MAP2K5: variants seen among roughly 807,000 people sequenced by gnomAD.
The protein encoded by MAP2K5 is dual specificity mitogen-activated protein kinase kinase 5.
MAP2K5 carries 49 observed loss-of-function variants against 83.1 expected under a neutral mutation model. The observed-to-expected ratio is 0.59, with a 90% CI of 0.47 to 0.75. The LOEUF is 0.75. Ranked by LOEUF, MAP2K5 falls within the 30% of genes least tolerant of loss-of-function variation. MAP2K5 has a pLI of 0.00. For missense variants in MAP2K5, 457 were observed against 557.5 expected (o/e 0.82, Z 1.82); for synonymous variants, 202 against 191.8 (o/e 1.05, Z -0.44).
chr15:67,650,005 CTTCT>C, intron 11 of MAP2K5, among the ~76,000 whole-genome samples: 1 of 152,228 alleles, frequency 6.6e-6, no homozygotes, highest in South Asian at 2.1e-4. Flanking sequence ...TTACTTAGGT[CTTCT>C]TTAATTGTTT....
chr15:67,667,804 T>C (rs1234969854), intron 13 of MAP2K5, among the ~76,000 whole-genome samples: 1 of 152,148 alleles, frequency 6.6e-6, no homozygotes, highest in South Asian at 2.1e-4. Context: ...ATTTTAGCTA[T>C]AGAAAGTGTA....
At chr15:67,796,909 A>G (rs2090614670) in intron 21 of MAP2K5, among the ~76,000 whole-genome samples, 1 of 152,196 alleles carries the variant, frequency 6.6e-6, no homozygotes, top group Admixed American at 6.5e-5. Flanking sequence ...GGGTGTGGAA[A>G]TGCTTGCCTC....
Position 67,552,014 on chromosome 15 carries a change from C to G in MAP2K5, c.184+1932C>G, listed in dbSNP as rs1417140452. Among the ~76,000 whole-genome samples the G allele has an allele frequency of 6.6e-6, 1 of 151,268 alleles. No individual in the cohort carries two copies. The highest frequency in any genetic ancestry group is 1.5e-5 in the Non-Finnish European group (1 of 67,932). On this transcript the variant is annotated intron_variant, in intron 2 of 21. Coordinates refer to ENST00000178640, the MANE Select transcript of MAP2K5 (RefSeq NM_145160.3). This position sits in a 1 kb window ranked among gnomAD's most constrained non-coding sequence, Gnocchi z 4.2. Reference sequence around the variant, plus strand: ...AAAGATAGGATCTGAAGAGTGCCTACTACAGTACTTTCCAGTGACTTACCC... The same window carrying G: ...AAAGATAGGATCTGAAGAGTGCCTAGTACAGTACTTTCCAGTGACTTACCC...
chr15:67,764,640 G>A lies in MAP2K5; in HGVS notation c.1135-4962G>A, dbSNP rs2090008640. On this transcript the variant is annotated intron_variant, in intron 19 of 21. Coordinates refer to ENST00000178640, the MANE Select transcript of MAP2K5 (RefSeq NM_145160.3). The surrounding 1 kb of genome is among the most constrained non-coding windows in gnomAD (Gnocchi z 4.9). ...CAGGCTCATTGCGTTCCACATGGTA[G>A]ATGCCCACAAAAGCTGTTGAATGAA... Among the ~76,000 whole-genome samples, 1 of 152,188 alleles carries A rather than the reference G, an allele frequency of 6.6e-6. No individual in the cohort carries two copies. Among genetic ancestry groups the A allele is most frequent in the South Asian group, 2.1e-4 (1 of 4,834 alleles).
intron 1 of MAP2K5, chr15:67,549,064 G>GCGAGCGGCTGA (rs1314519568): frequency 6.6e-7 from 1 of 1,523,786 alleles, no homozygotes; most frequent in Non-Finnish European, 8.8e-7. Flanking sequence ...GAGAAATACT[G>GCGAGCGGCTGA]CGAGCGGCTT....
intron 17 of MAP2K5, among the ~76,000 whole-genome samples, chr15:67,732,785 G>A (rs566237422): frequency 1.3e-5 from 2 of 152,172 alleles, no homozygotes; most frequent in South Asian, 4.2e-4. Context: ...TTTTGCTGTA[G>A]TGATCGTACT....
chr15:67,799,385 G>GC (rs2090662724), intron 21 of MAP2K5, among the ~76,000 whole-genome samples: 1 of 152,232 alleles, frequency 6.6e-6, no homozygotes, highest in South Asian at 2.1e-4. Flanking sequence ...ACCCTCACCT[G>GC]CCCAGAGTAT....
intron 21 of MAP2K5, among the ~76,000 whole-genome samples, chr15:67,788,687 A>C (rs1462074434): frequency 6.6e-6 from 1 of 152,200 alleles, no homozygotes; most frequent in Admixed American, 6.5e-5. Flanking sequence ...AATTATGATT[A>C]AAAATTTGGC....
Position 67,739,742 on chromosome 15 carries a change from A to G in MAP2K5, c.1075-8489A>G, listed in dbSNP as rs1449135841. On this transcript the variant is annotated intron_variant, in intron 17 of 21. Coordinates refer to ENST00000178640, the MANE Select transcript of MAP2K5 (RefSeq NM_145160.3). ...GTGATCCACCCACCTCGGCCACCCA[A>G]AGTGCTAGGATTACAGGCATGAGCC... Among the ~76,000 whole-genome samples, 7 of 151,914 alleles carry G rather than the reference A, an allele frequency of 4.6e-5. No individual in the cohort carries two copies. In the East Asian group the frequency reaches 1.4e-3, roughly 29 times the overall value.
intron 19 of MAP2K5, among the ~76,000 whole-genome samples, chr15:67,761,641 T>C (rs1344360841): frequency 1.3e-5 from 2 of 152,194 alleles, no homozygotes; most frequent in African/African-American, 2.4e-5. Flanking sequence ...GATAGTGTTA[T>C]GGCTTGTTGG....
At chr15:67,730,652 A>G (rs1023710426) in intron 17 of MAP2K5, among the ~76,000 whole-genome samples, 1 of 152,194 alleles carries the variant, frequency 6.6e-6, no homozygotes, top group African/African-American at 2.4e-5. Flanking sequence ...AGTGTCACTC[A>G]CTAGTCTGAT....
chr15:67,687,446 C>T (rs1001816044), intron 13 of MAP2K5, among the ~76,000 whole-genome samples: 1 of 152,192 alleles, frequency 6.6e-6, no homozygotes, highest in Non-Finnish European at 1.5e-5. Context: ...ATCCTAAAAT[C>T]GCATGAACAG....
rs2090120764 is a variant in MAP2K5, at chr15:67,770,459, G to A, written c.1196+796G>A. On this transcript the variant is annotated intron_variant, in intron 20 of 21. Transcript: ENST00000178640. The surrounding 1 kb of genome is among the most constrained non-coding windows in gnomAD (Gnocchi z 5.0). ...CACTCCAGCACAGAGAATTACCTAG[G>A]AGAGAGGAGGAATTCAGGAACATAG... Among the ~76,000 whole-genome samples the A allele has an allele frequency of 6.6e-6, 1 of 152,162 alleles. No individual in the cohort carries two copies. The highest frequency in any genetic ancestry group is 2.4e-5 in the African/African-American group (1 of 41,440).
chr15:67,622,210 G>A (rs2086202281), intron 8 of MAP2K5, among the ~76,000 whole-genome samples: 1 of 151,508 alleles, frequency 6.6e-6, no homozygotes, highest in Admixed American at 6.6e-5. Context: ...GCTGTTTTAT[G>A]TAGGAAAGTC....
At chr15:67,799,394 A>G (rs1266531212) in intron 21 of MAP2K5, among the ~76,000 whole-genome samples, 6 of 152,190 alleles carry the variant, frequency 3.9e-5, no homozygotes, top group Non-Finnish European at 8.8e-5. Flanking sequence ...TGCCCAGAGT[A>G]TATCTGTGAA....
rs1216154714 is a variant in MAP2K5 at position 67,750,841 on chromosome 15, T to C, written c.1134+2240T>C. ...CCGTTTTACTGCTTGGGAGTGGGATTTACCCCGTTGTGAAGTGGGTATCTG... is the reference window on the plus strand; with the variant it reads ...CCGTTTTACTGCTTGGGAGTGGGATCTACCCCGTTGTGAAGTGGGTATCTG... On this transcript the variant is annotated intron_variant, in intron 19 of 21. Transcript: ENST00000178640. The surrounding 1 kb of genome is among the most constrained non-coding windows in gnomAD (Gnocchi z 4.2). Among the ~76,000 whole-genome samples the C allele has an allele frequency of 6.6e-6, 1 of 152,002 alleles. No individual in the cohort carries two copies. The highest frequency in any genetic ancestry group is 1.9e-4 in the East Asian group (1 of 5,180).
chr15:67,671,338 G>A (rs929810361), intron 13 of MAP2K5, among the ~76,000 whole-genome samples: 1 of 152,184 alleles, frequency 6.6e-6, no homozygotes, highest in South Asian at 2.1e-4. Flanking sequence ...ACCAGGCACT[G>A]TTCTAGGTGC....
At chr15:67,585,978 G>T (rs757097564) in intron 5 of MAP2K5, 48 bp downstream of exon 5, 1 of 1,490,210 alleles carries the variant, frequency 6.7e-7, no homozygotes, top group Middle Eastern at 1.7e-4. Flanking sequence ...GATTTGTAAT[G>T]CTGTGTTCCA....
intron 6 of MAP2K5, among the ~76,000 whole-genome samples, chr15:67,590,174 A>G (rs2085367966): frequency 6.6e-6 from 1 of 152,128 alleles, no homozygotes; most frequent in Non-Finnish European, 1.5e-5. Context: ...AATCTAGGAA[A>G]ATAGGGACTC....
Sources: gnomAD v4.1 joint callset for allele counts (sites outside exome capture counted in the v4.1 genomes callset) on GRCh38, gnomAD v4.1.1 for gene constraint, Gnocchi (gnomAD v3.1) non-coding constraint, MANE v1.5 for transcripts, NCBI Gene and HGNC (gene_info 2026-07-23, HGNC 2026-07-21) for gene names.